The following MSI2 variants were observed in gnomAD, a reference collection of about 807,000 sequenced individuals.
The protein encoded by MSI2 is musashi RNA binding protein 2, also known as RNA-binding protein Musashi homolog 2.
A neutral mutation model predicts 45.6 loss-of-function variants in MSI2; 17 were observed. The ratio of observed to expected loss-of-function variants is 0.37; its 90% confidence interval spans 0.26 to 0.56. The LOEUF (loss-of-function observed/expected upper bound fraction) is 0.56. MSI2 is among the 20% of genes least tolerant of loss of function. MSI2 has a pLI of 0.77. For synonymous variants in MSI2, 156 were observed against 158.2 expected (o/e 0.99, Z 0.11); for missense variants, 293 against 444.2 (o/e 0.66, Z 3.06).
chr17:57,632,965 A>T (rs1177470463), intron 10 of MSI2: 1 of 1,052,428 alleles, frequency 9.5e-7, no homozygotes, highest in Admixed American at 5.5e-5. Context: ...TTTTTCAAAG[A>T]ACAAATCTGT....
intron 6 of MSI2, among the ~76,000 whole-genome samples, chr17:57,509,498 G>A (rs1358956088): frequency 6.6e-6 from 1 of 152,172 alleles, no homozygotes; most frequent in African/African-American, 2.4e-5. Context: ...TTGGCTCACT[G>A]CAACCTCCGC....
intron 6 of MSI2, among the ~76,000 whole-genome samples, chr17:57,474,877 C>T (rs2085509160): frequency 6.6e-6 from 1 of 152,108 alleles, no homozygotes; most frequent in African/African-American, 2.4e-5. Flanking sequence ...CACCACCACC[C>T]CTGGCTAATT....
At chr17:57,436,877 C>T (rs1045364586) in intron 6 of MSI2, among the ~76,000 whole-genome samples, 5 of 152,162 alleles carry the variant, frequency 3.3e-5, no homozygotes, top group African/African-American at 1.2e-4. Flanking sequence ...TTAGAGAAAA[C>T]ATTTTCCCCA....
intron 6 of MSI2, among the ~76,000 whole-genome samples, chr17:57,507,203 A>T (rs1331186930): frequency 7.3e-6 from 1 of 136,864 alleles, no homozygotes; most frequent in African/African-American, 3.0e-5. Flanking sequence ...ATCTCTTCCC[A>T]TTGGTTTTTG....
chr17:57,428,555 C>T (rs2084536637), intron 6 of MSI2, among the ~76,000 whole-genome samples: 1 of 152,176 alleles, frequency 6.6e-6, no homozygotes, highest in South Asian at 2.1e-4. Flanking sequence ...TAGGTGTGTG[C>T]CACTGCTTCT....
chr17:57,544,756 A>G (rs1433422631), intron 7 of MSI2, among the ~76,000 whole-genome samples: 3 of 152,210 alleles, frequency 2.0e-5, no homozygotes, highest in Admixed American at 2.0e-4. Context: ...TTCTTAGCAA[A>G]TATGCCAAGA....
At position 57,280,862 on chromosome 17, in the gene MSI2, C is replaced by T. The variant is rs1032078652; in HGVS notation, c.312+18670C>T. Among the ~76,000 whole-genome samples, 1 of 151,954 alleles carries T rather than the reference C, an allele frequency of 6.6e-6. No homozygotes were observed. Among genetic ancestry groups the T allele is most frequent in the South Asian group, 2.1e-4 (1 of 4,812 alleles). ...ACATTTTAATCTTTTTCTTCTAAAC[C>T]CTACTTCGGAGACCACTGCTTTTGG... On this transcript the variant is annotated intron_variant, in intron 5 of 13. Coordinates refer to ENST00000284073, the MANE Select transcript of MSI2 (RefSeq NM_138962.4). This position sits in a 1 kb window ranked among gnomAD's most constrained non-coding sequence, Gnocchi z 4.2.
intron 6 of MSI2, among the ~76,000 whole-genome samples, chr17:57,431,359 C>A (rs1230710329): frequency 6.6e-6 from 1 of 152,214 alleles, no homozygotes. Flanking sequence ...GGCAGCACAG[C>A]CAGGGAATGT....
intron 7 of MSI2, among the ~76,000 whole-genome samples, chr17:57,535,443 A>G (rs188648947): frequency 1.6e-4 from 25 of 152,352 alleles, no homozygotes; most frequent in African/African-American, 5.8e-4. Flanking sequence ...TGTGGCCTTC[A>G]TTACCCAGCA....
At chr17:57,615,189 G>A (rs1356155888) in intron 8 of MSI2, among the ~76,000 whole-genome samples, 12 of 149,380 alleles carry the variant, frequency 8.0e-5, no homozygotes, top group Admixed American at 1.3e-4. Context: ...GTGCAGTGGC[G>A]TGATCATGGC....
intron 5 of MSI2, among the ~76,000 whole-genome samples, chr17:57,387,264 G>T (rs1021930745): frequency 6.6e-6 from 1 of 152,196 alleles, no homozygotes; most frequent in Admixed American, 6.5e-5. Context: ...TACACATTTA[G>T]TAAAGTTCCT....
intron 6 of MSI2, among the ~76,000 whole-genome samples, chr17:57,472,758 G>A (rs756439688): frequency 6.6e-6 from 1 of 152,170 alleles, no homozygotes; most frequent in African/African-American, 2.4e-5. Flanking sequence ...ACTATGTGGT[G>A]GTGGCTGTTG....
At chr17:57,581,158 G>A (rs527778951) in intron 7 of MSI2, among the ~76,000 whole-genome samples, 4 of 151,890 alleles carry the variant, frequency 2.6e-5, no homozygotes, top group South Asian at 2.1e-4. Context: ...AACTACAGGC[G>A]TGTGCCACCA....
chr17:57,574,181 CGCTGCTCCTCTGGGGAAA>C (rs1468930213), intron 7 of MSI2, among the ~76,000 whole-genome samples: 2 of 152,178 alleles, frequency 1.3e-5, no homozygotes, highest in African/African-American at 4.8e-5. Flanking sequence ...CCAGCAATGC[CGCTGCTCCTCTGGGGAAA>C]GCTAATGGCC....
intron 5 of MSI2, among the ~76,000 whole-genome samples, chr17:57,375,471 G>A (rs560354343): frequency 5.7e-4 from 87 of 152,322 alleles, no homozygotes; most frequent in Middle Eastern, 6.8e-3. Flanking sequence ...ATTTCTGAGC[G>A]AGTAGAAATG....
intron 6 of MSI2, among the ~76,000 whole-genome samples, chr17:57,405,018 C>T (rs1277518996): frequency 2.0e-5 from 3 of 152,026 alleles, no homozygotes; most frequent in Non-Finnish European, 2.9e-5. Context: ...ATGAGCTACC[C>T]AGGGGTGAAG....
At chr17:57,413,393 T>A (rs2084233611) in intron 6 of MSI2, among the ~76,000 whole-genome samples, 1 of 152,134 alleles carries the variant, frequency 6.6e-6, no homozygotes, top group Admixed American at 6.5e-5. Context: ...TTTGTGGAAC[T>A]GACTTGCCGG....
downstream of MSI2, among the ~76,000 whole-genome samples, chr17:57,686,631 G>A (rs1302768449): frequency 6.6e-6 from 1 of 152,102 alleles, no homozygotes; most frequent in African/African-American, 2.4e-5. Context: ...CAGACAGAGT[G>A]GAATTTAAGG....
At chr17:57,585,065 G>C (rs2088309932) in intron 7 of MSI2, among the ~76,000 whole-genome samples, 1 of 152,072 alleles carries the variant, frequency 6.6e-6, no homozygotes, top group Admixed American at 6.5e-5. Flanking sequence ...TGATCCACCT[G>C]TCTTGGCCTC....
Sources: gnomAD v4.1 joint callset for allele counts (sites outside exome capture counted in the v4.1 genomes callset) on GRCh38, gnomAD v4.1.1 for gene constraint, Gnocchi (gnomAD v3.1) non-coding constraint, MANE v1.5 for transcripts, NCBI Gene and HGNC (gene_info 2026-07-23, HGNC 2026-07-21) for gene names.